The following TEAD1 variants were observed in gnomAD, a reference collection of about 807,000 sequenced individuals.
TEAD1 encodes TEA domain transcription factor 1, also known as transcriptional enhancer factor TEF-1.
Under a neutral mutation model 54.9 loss-of-function variants are expected in TEAD1, and 9 were observed. That is an observed-to-expected ratio of 0.16 (90% CI 0.10 to 0.29). The LOEUF is 0.29. TEAD1 is among the 10% of genes least tolerant of loss of function. The pLI, the probability that TEAD1 is intolerant of heterozygous loss-of-function variation, is 1.00. For missense variants in TEAD1, 387 were observed against 535.9 expected, an observed-to-expected ratio of 0.72 and a Z score of 2.74; for synonymous variants, 200 against 187.8, an observed-to-expected ratio of 1.07 and a Z score of -0.53.
intron 2 of TEAD1, among the ~76,000 whole-genome samples, chr11:12,752,754 T>C (rs768565848): frequency 6.6e-6 from 1 of 152,200 alleles, no homozygotes; most frequent in Non-Finnish European, 1.5e-5. Flanking sequence ...ATTTTTAATC[T>C]TATTAATTTA....
chr11:12,827,845 G>A (rs12790285), intron 3 of TEAD1, among the ~76,000 whole-genome samples: 2 of 152,166 alleles, frequency 1.3e-5, no homozygotes, highest in Non-Finnish European at 2.9e-5. Flanking sequence ...GGAAAGAAAC[G>A]TTTAGGGACT....
chr11:12,829,367 A>G (rs1365044664), intron 3 of TEAD1, among the ~76,000 whole-genome samples: 1 of 151,952 alleles, frequency 6.6e-6, no homozygotes, highest in Non-Finnish European at 1.5e-5. Context: ...AACTCTCCCA[A>G]CCCAGGTGGC....
intron 3 of TEAD1, among the ~76,000 whole-genome samples, chr11:12,775,135 G>A (rs1945392836): frequency 6.6e-6 from 1 of 152,236 alleles, no homozygotes; most frequent in African/African-American, 2.4e-5. Context: ...ATCAAACAGA[G>A]TTAAGCATCC....
At chr11:12,775,934 A>G (rs966944937) in intron 3 of TEAD1, among the ~76,000 whole-genome samples, 12 of 151,248 alleles carry the variant, frequency 7.9e-5, no homozygotes, top group African/African-American at 2.5e-4. Context: ...AGCAAACCAT[A>G]TTGCCTGGGT....
At chr11:12,846,264 C>A (rs1947150181) in intron 3 of TEAD1, among the ~76,000 whole-genome samples, 1 of 149,840 alleles carries the variant, frequency 6.7e-6, no homozygotes, top group Non-Finnish European at 1.5e-5. Flanking sequence ...CCCAGAGCCT[C>A]CACAGGCTCA....
chr11:12,872,857 C>T (rs1051449074), intron 5 of TEAD1, among the ~76,000 whole-genome samples: 3 of 152,148 alleles, frequency 2.0e-5, no homozygotes, highest in African/African-American at 4.8e-5. Context: ...ACCTGGCCCC[C>T]GTAGACTGCA....
At chr11:12,932,321 G>C (rs1167549460) in intron 12 of TEAD1, among the ~76,000 whole-genome samples, 3 of 152,178 alleles carry the variant, frequency 2.0e-5, no homozygotes, top group Non-Finnish European at 2.9e-5. Flanking sequence ...TTAGCAGTCA[G>C]ACGAGTAGAA....
intron 5 of TEAD1, among the ~76,000 whole-genome samples, chr11:12,872,661 A>G (rs180963326): frequency 9.2e-5 from 14 of 152,352 alleles, no homozygotes; most frequent in Admixed American, 2.6e-4. Context: ...TTTCTTTATA[A>G]GGGCAACAGA....
chr11:12,707,328 A>G (rs774726095), intron 2 of TEAD1, among the ~76,000 whole-genome samples: 1 of 152,000 alleles, frequency 6.6e-6, no homozygotes, highest in East Asian at 1.9e-4. Flanking sequence ...GCCTGCCTCT[A>G]TGTGTCAAAA....
rs532723918 is a variant in TEAD1 at position 12,844,595 on chromosome 11, C to T, written c.203-17655C>T. ...CCAAATATGACGACAGAAAAATCTC[C>T]ACAGCAATATGGCAGTGGAGCATTT... On this transcript the variant is annotated intron_variant, in intron 3 of 12. Transcript: ENST00000527636. Among the ~76,000 whole-genome samples the T allele has an allele frequency of 2.6e-5, 4 of 152,246 alleles. No individual in the cohort carries two copies. In the South Asian group the frequency reaches 8.3e-4, roughly 32 times the overall value.
At chr11:12,768,897 T>C (rs1945260420) in intron 3 of TEAD1, among the ~76,000 whole-genome samples, 1 of 152,188 alleles carries the variant, frequency 6.6e-6, no homozygotes, top group Non-Finnish European at 1.5e-5. Flanking sequence ...TGAAGCCTAT[T>C]CTTGGCTACC....
At chr11:12,813,103 T>C (rs1440859593) in intron 3 of TEAD1, among the ~76,000 whole-genome samples, 1 of 152,072 alleles carries the variant, frequency 6.6e-6, no homozygotes, top group African/African-American at 2.4e-5. Context: ...TCCAGCCGGC[T>C]TGGAGCTGGA....
intron 3 of TEAD1, among the ~76,000 whole-genome samples, chr11:12,795,260 G>A (rs980045396): frequency 4.6e-5 from 7 of 152,082 alleles, no homozygotes; most frequent in African/African-American, 9.7e-5. Flanking sequence ...TAGGGTTGTC[G>A]TTGCATTATC....
intron 3 of TEAD1, among the ~76,000 whole-genome samples, chr11:12,798,791 G>A (rs1945990008): frequency 1.3e-5 from 2 of 152,238 alleles, no homozygotes; most frequent in African/African-American, 2.4e-5. Flanking sequence ...CATAAAAGGA[G>A]CATGCATTTC....
At chr11:12,785,306 A>G (rs1416939380) in intron 3 of TEAD1, among the ~76,000 whole-genome samples, 6 of 152,162 alleles carry the variant, frequency 3.9e-5, no homozygotes, top group African/African-American at 1.4e-4. Flanking sequence ...GCTGCTGCCC[A>G]GAGATGCCCT....
chr11:12,733,162 G>A (rs758958764), intron 2 of TEAD1, among the ~76,000 whole-genome samples: 5 of 152,146 alleles, frequency 3.3e-5, no homozygotes, highest in Non-Finnish European at 7.4e-5. Context: ...TACCTTTTTG[G>A]GTTGTTGTGA....
At chr11:12,751,471 T>A (rs550073428) in intron 2 of TEAD1, among the ~76,000 whole-genome samples, 1 of 152,084 alleles carries the variant, frequency 6.6e-6, no homozygotes, top group African/African-American at 2.4e-5. Flanking sequence ...AAAGGCCAGG[T>A]CAGGCTTCCC....
intron 3 of TEAD1, among the ~76,000 whole-genome samples, chr11:12,816,666 AG>A (rs1946422976): frequency 6.6e-6 from 1 of 152,192 alleles, no homozygotes; most frequent in South Asian, 2.1e-4. Flanking sequence ...TACACAAGCC[AG>A]GTACAAGACT....
chr11:12,834,850 C>T (rs1193737774), intron 3 of TEAD1, among the ~76,000 whole-genome samples: 1 of 151,686 alleles, frequency 6.6e-6, no homozygotes, highest in Non-Finnish European at 1.5e-5. Flanking sequence ...TTCTTGGCCT[C>T]AAGCTATCCT....
Sources: gnomAD v4.1 joint callset for allele counts (sites outside exome capture counted in the v4.1 genomes callset) on GRCh38, gnomAD v4.1.1 for gene constraint, MANE v1.5 for transcripts, NCBI Gene and HGNC (gene_info 2026-07-23, HGNC 2026-07-21) for gene names.